PEAK1: variants seen among roughly 807,000 people sequenced by gnomAD.
PEAK1 encodes inactive tyrosine-protein kinase PEAK1.
A neutral mutation model predicts 124.7 loss-of-function variants in PEAK1; 54 were observed. That is an observed-to-expected ratio of 0.43 (90% confidence interval 0.35 to 0.54). The LOEUF is 0.54. PEAK1 is among the 20% of genes least tolerant of loss of function. The pLI is 0.01. For missense variants in PEAK1, 2,046 were observed against 2,134.5 expected, an observed-to-expected ratio of 0.96 and a Z score of 0.82; for synonymous variants, 719 against 760.0, an observed-to-expected ratio of 0.95 and a Z score of 0.89.
At chr15:77,206,751 C>T (rs1220930873) in intron 6 of PEAK1, among the ~76,000 whole-genome samples, 3 of 151,870 alleles carry the variant, frequency 2.0e-5, no homozygotes, top group East Asian at 1.9e-4. Flanking sequence ...GAGTAGGTTG[C>T]GAAAATTTTC....
chr15:77,418,849 C>A (rs1423471551), intron 1 of PEAK1: 1 of 985,216 alleles, frequency 1.0e-6, no homozygotes, highest in Non-Finnish European at 1.2e-6. Context: ...GACGCTGTGG[C>A]TGAACAAAAA....
chr15:77,208,890 T>C (rs2058780567), intron 6 of PEAK1, among the ~76,000 whole-genome samples: 4 of 152,188 alleles, frequency 2.6e-5, no homozygotes, highest in Admixed American at 2.6e-4. Flanking sequence ...ATATTTGTCT[T>C]TACCACCTCC....
At chr15:77,132,567 T>C (rs1596299781) in intron 9 of PEAK1, among the ~76,000 whole-genome samples, 1 of 151,870 alleles carries the variant, frequency 6.6e-6, no homozygotes, top group African/African-American at 2.4e-5. Flanking sequence ...TGGTGGCAGG[T>C]ACCTGTAATC....
At chr15:77,318,870 T>C (rs2065032457) in intron 2 of PEAK1, among the ~76,000 whole-genome samples, 2 of 152,100 alleles carry the variant, frequency 1.3e-5, no homozygotes, top group African/African-American at 4.8e-5. Flanking sequence ...TCTGAACAGG[T>C]GCTTCAGGTA....
At chr15:77,254,816 A>C (rs2061051093) in intron 5 of PEAK1, among the ~76,000 whole-genome samples, 1 of 152,222 alleles carries the variant, frequency 6.6e-6, no homozygotes, top group Non-Finnish European at 1.5e-5. Context: ...CAGTGTTCTA[A>C]GTAGTAGAGA....
intron 6 of PEAK1, among the ~76,000 whole-genome samples, chr15:77,208,080 C>G (rs1015885230): frequency 6.6e-6 from 1 of 152,148 alleles, no homozygotes; most frequent in Non-Finnish European, 1.5e-5. Flanking sequence ...GCAAACTGTG[C>G]TTTGCATCTG....
rs78845742 is a variant in PEAK1 at position 77,184,589 on chromosome 15, G to A, written c.-114-2549C>T. Reference sequence around the variant, plus strand: ...AGTGGTTACATAACTGCATACATTTGTCAAAACTCACAGAACCGGCAGGTA... The same window carrying A: ...AGTGGTTACATAACTGCATACATTTATCAAAACTCACAGAACCGGCAGGTA... On this transcript the variant is annotated intron_variant, in intron 6 of 9. Coordinates refer to ENST00000682557, the MANE Select transcript of PEAK1 (RefSeq NM_001385026.1). Among the ~76,000 whole-genome samples, 9 of 152,276 alleles carry A rather than the reference G, an allele frequency of 5.9e-5. No individual in the cohort carries two copies. In the East Asian group the frequency reaches 1.7e-3, roughly 29 times the overall value.
At chr15:77,199,564 C>T (rs903731175) in intron 6 of PEAK1, among the ~76,000 whole-genome samples, 1 of 152,202 alleles carries the variant, frequency 6.6e-6, no homozygotes, top group Non-Finnish European at 1.5e-5. Context: ...CAATAAATTC[C>T]TCTGGAAAAC....
upstream of PEAK1, chr15:77,420,125 T>C (rs2073262545): frequency 6.7e-6 from 1 of 150,054 alleles, no homozygotes; most frequent in African/African-American, 2.4e-5. Context: ...AACTAACTAC[T>C]CGCCGCGGCC....
chr15:77,119,420 T>G (rs566742062), intron 9 of PEAK1, among the ~76,000 whole-genome samples: 46 of 152,348 alleles, frequency 3.0e-4, no homozygotes, highest in African/African-American at 1.1e-3. Context: ...ATTAATTCAT[T>G]ATCAATTGAT....
chr15:77,355,817 A>G (rs1191958935), intron 2 of PEAK1: 6 of 985,258 alleles, frequency 6.1e-6, no homozygotes, highest in Non-Finnish European at 6.0e-6. Context: ...TCGGAATTAT[A>G]ATAGAAAAAC....
chr15:77,224,434 T>C (rs1596705276), intron 6 of PEAK1, among the ~76,000 whole-genome samples: 1 of 152,086 alleles, frequency 6.6e-6, no homozygotes, highest in Non-Finnish European at 1.5e-5. Flanking sequence ...TGCTTTCTTT[T>C]CTCTTGCACT....
chr15:77,393,527 C>T (rs547752639), intron 1 of PEAK1, among the ~76,000 whole-genome samples: 1 of 152,172 alleles, frequency 6.6e-6, no homozygotes, highest in Non-Finnish European at 1.5e-5. Flanking sequence ...CACTCTGAGC[C>T]AGAAGAGAAC....
intron 2 of PEAK1, among the ~76,000 whole-genome samples, chr15:77,324,977 T>C (rs2065475322): frequency 6.6e-6 from 1 of 152,162 alleles, no homozygotes; most frequent in Non-Finnish European, 1.5e-5. Flanking sequence ...ACTAGACATA[T>C]TTGTCTCACT....
chr15:77,403,306 A>C, intron 1 of PEAK1: 1 of 964,332 alleles, frequency 1.0e-6, no homozygotes. Context: ...GAGACATTTA[A>C]GTGCTAAACA....
chr15:77,212,123 A>T (rs2058935485), intron 6 of PEAK1, among the ~76,000 whole-genome samples: 1 of 152,210 alleles, frequency 6.6e-6, no homozygotes, highest in Non-Finnish European at 1.5e-5. Flanking sequence ...TTTTCAAAAT[A>T]AACTTATAAA....
At chr15:77,162,493 CAAAAAAAAAAAAAA>C (rs71143393) in intron 7 of PEAK1, among the ~76,000 whole-genome samples, 1 of 70,456 alleles carries the variant, frequency 1.4e-5, no homozygotes, top group African/African-American at 7.2e-5. Flanking sequence ...GACTCCATCT[CAAAAAAAAAAAAAA>C]AAAAAAAAAA....
chr15:77,278,100 G>A (rs2062433258), intron 5 of PEAK1, among the ~76,000 whole-genome samples: 1 of 152,076 alleles, frequency 6.6e-6, no homozygotes, highest in Non-Finnish European at 1.5e-5. Flanking sequence ...CTATACGCTC[G>A]TGGGCACGAG....
downstream of PEAK1, chr15:77,107,898 G>A (rs2050777718): frequency 6.6e-6 from 1 of 152,260 alleles, no homozygotes. Flanking sequence ...GCCTTCTGAG[G>A]TCTGGGAAAA....
Sources: gnomAD v4.1 joint callset for allele counts (sites outside exome capture counted in the v4.1 genomes callset) on GRCh38, gnomAD v4.1.1 for gene constraint, MANE v1.5 for transcripts, NCBI Gene and HGNC (gene_info 2026-07-23, HGNC 2026-07-21) for gene names.